PTPRN2: variants seen among roughly 807,000 people sequenced by gnomAD.
PTPRN2 encodes protein tyrosine phosphatase receptor type N2.
A neutral mutation model predicts 118.8 loss-of-function variants in PTPRN2; 74 were observed. That is an observed-to-expected ratio of 0.62 (90% CI 0.52 to 0.76). The LOEUF is 0.76. Ranked by LOEUF, PTPRN2 falls within the 30% of genes least tolerant of loss-of-function variation. The pLI is 0.00. For synonymous variants in PTPRN2, 641 were observed against 608.0 expected, an observed-to-expected ratio of 1.05 and a Z score of -0.80; for missense variants, 1,481 against 1,394.4, an observed-to-expected ratio of 1.06 and a Z score of -0.99.
chr7:157,993,554 G>A (rs1427424856), intron 11 of PTPRN2, among the ~76,000 whole-genome samples: 1 of 152,126 alleles, frequency 6.6e-6, no homozygotes, highest in African/African-American at 2.4e-5. Context: ...ACATGGGGAG[G>A]TGGCGATCGG....
intron 1 of PTPRN2, among the ~76,000 whole-genome samples, chr7:158,583,835 T>C (rs1828773105): frequency 6.6e-6 from 1 of 152,102 alleles, no homozygotes; most frequent in Non-Finnish European, 1.5e-5. Flanking sequence ...AGGCTCTTCT[T>C]GGGGGAAGGG....
intron 3 of PTPRN2, among the ~76,000 whole-genome samples, chr7:158,213,064 G>A (rs1018445224): frequency 2.0e-5 from 3 of 152,064 alleles, no homozygotes; most frequent in Non-Finnish European, 4.4e-5. Flanking sequence ...AGATCTTATG[G>A]TAACACTTTA....
Position 158,002,194 on chromosome 7 carries a change from C to T in PTPRN2, c.1723+79104G>A, listed in dbSNP as rs12113133. On this transcript the variant is annotated intron_variant, in intron 11 of 22. Transcript: ENST00000389418. ...GGGGGCTTGAGGCAAGCAGCCCCCG[C>T]GGGAAACACGGCGTGGTCATCAGGC... is the stretch of plus-strand genomic sequence containing the variant. 6.1e-3 allele frequency among the ~76,000 whole-genome samples: 926 copies of T among 152,294 alleles called. 7 individuals are homozygous for T. Among genetic ancestry groups the T allele is most frequent in the African/African-American group, 0.021 (892 of 41,562 alleles).
chr7:158,275,841 C>A (rs192937903), intron 3 of PTPRN2, among the ~76,000 whole-genome samples: 1 of 152,178 alleles, frequency 6.6e-6, no homozygotes, highest in Non-Finnish European at 1.5e-5. Flanking sequence ...GTGGCCTCCT[C>A]CCTCCATCAG....
At chr7:158,488,275 G>A (rs991570781) in intron 2 of PTPRN2, among the ~76,000 whole-genome samples, 1 of 152,148 alleles carries the variant, frequency 6.6e-6, no homozygotes, top group Non-Finnish European at 1.5e-5. Flanking sequence ...GCCCCAGGGG[G>A]TCCTAGGCTG....
chr7:158,081,118 A>T (rs1202404046), intron 11 of PTPRN2, among the ~76,000 whole-genome samples, 180 bp downstream of exon 11: 2 of 152,158 alleles, frequency 1.3e-5, no homozygotes, highest in Admixed American at 6.5e-5. Context: ...TTGCCCTGTG[A>T]CTGCCCCTCG....
chr7:158,499,391 C>T (rs1259556093), intron 1 of PTPRN2, among the ~76,000 whole-genome samples: 2 of 152,160 alleles, frequency 1.3e-5, no homozygotes, highest in Non-Finnish European at 2.9e-5. Flanking sequence ...AAACTTGGGT[C>T]AGCACATTAT....
intron 1 of PTPRN2, among the ~76,000 whole-genome samples, chr7:158,521,909 G>A (rs1205892073): frequency 2.3e-4 from 19 of 81,694 alleles, no homozygotes; most frequent in South Asian, 9.3e-4. Flanking sequence ...GCTCAGGAGG[G>A]AGGTCCACGT....
intron 3 of PTPRN2, among the ~76,000 whole-genome samples, chr7:158,274,761 C>A (rs778702358): frequency 3.3e-5 from 5 of 152,144 alleles, no homozygotes; most frequent in Non-Finnish European, 7.4e-5. Context: ...CCAGGAATCA[C>A]GCTGTGGCCA....
At chr7:158,320,911 A>C (rs1164831376) in intron 2 of PTPRN2, among the ~76,000 whole-genome samples, 4 of 152,142 alleles carry the variant, frequency 2.6e-5, no homozygotes, top group Admixed American at 6.5e-5. Context: ...GTGAAATAGA[A>C]AATTAAGGAA....
At chr7:157,595,144 T>G (rs1043542166) in intron 17 of PTPRN2, 94 bp downstream of exon 17, 1 of 1,161,748 alleles carries the variant, frequency 8.6e-7, no homozygotes, top group African/African-American at 1.5e-5. Flanking sequence ...TTGTAAGAAG[T>G]TTGATTGGCC....
intron 6 of PTPRN2, among the ~76,000 whole-genome samples, chr7:158,143,127 G>A (rs772697614): frequency 5.7e-4 from 86 of 152,136 alleles, no homozygotes; most frequent in Non-Finnish European, 9.3e-4. Flanking sequence ...GTCTTATCTC[G>A]CTCGTCCACG....
intron 9 of PTPRN2, among the ~76,000 whole-genome samples, chr7:158,125,122 A>G (rs1275370918): frequency 2.6e-5 from 4 of 152,142 alleles, no homozygotes; most frequent in Non-Finnish European, 5.9e-5. Flanking sequence ...GACATGGCTC[A>G]GGCCCAACCA....
At chr7:157,848,673 C>T (rs538299114) in intron 12 of PTPRN2, among the ~76,000 whole-genome samples, 2 of 152,348 alleles carry the variant, frequency 1.3e-5, no homozygotes, top group South Asian at 2.1e-4. Context: ...ACAGAAATGA[C>T]GGCTTCCGCG....
intron 11 of PTPRN2, among the ~76,000 whole-genome samples, chr7:157,998,583 G>A (rs1239455853): frequency 1.3e-5 from 2 of 152,130 alleles, no homozygotes; most frequent in African/African-American, 4.8e-5. Flanking sequence ...AGCACTTTAG[G>A]AGGCCGAGGC....
At chr7:157,951,101 C>T (rs1226213324) in intron 11 of PTPRN2, among the ~76,000 whole-genome samples, 1 of 152,110 alleles carries the variant, frequency 6.6e-6, no homozygotes, top group Non-Finnish European at 1.5e-5. Flanking sequence ...TGGCAGGACC[C>T]CAACCCAGGA....
At chr7:158,056,965 A>G (rs1183355046) in intron 11 of PTPRN2, among the ~76,000 whole-genome samples, 1 of 152,174 alleles carries the variant, frequency 6.6e-6, no homozygotes, top group Non-Finnish European at 1.5e-5. Flanking sequence ...TCCGATGATC[A>G]GCCACCTCGG....
intron 11 of PTPRN2, among the ~76,000 whole-genome samples, chr7:158,056,579 T>A (rs1332624471): frequency 6.6e-6 from 1 of 152,210 alleles, no homozygotes; most frequent in Non-Finnish European, 1.5e-5. Context: ...TTCGTGTGCA[T>A]CCCGTCACCA....
intron 12 of PTPRN2, among the ~76,000 whole-genome samples, chr7:157,713,332 G>T (rs948857481): frequency 5.3e-5 from 8 of 152,112 alleles, no homozygotes; most frequent in Admixed American, 2.6e-4. Context: ...TAGCCCCACG[G>T]CACGTTTCTA....
Sources: gnomAD v4.1 joint callset for allele counts (sites outside exome capture counted in the v4.1 genomes callset) on GRCh38, gnomAD v4.1.1 for gene constraint, MANE v1.5 for transcripts, NCBI Gene and HGNC (gene_info 2026-07-23, HGNC 2026-07-21) for gene names.